The following RAG1 variants were observed in gnomAD, a reference collection of about 807,000 sequenced individuals.
The protein encoded by RAG1 is recombination activating 1, also known as V(D)J recombination-activating protein 1.
A neutral mutation model predicts 62.7 loss-of-function variants in RAG1; 35 were observed. The observed-to-expected ratio is 0.56, with a 90% CI of 0.43 to 0.74. The LOEUF (loss-of-function observed/expected upper bound fraction) is 0.74, where lower values mean the gene tolerates loss of function less well. Among genes scored for constraint, RAG1 ranks in the 30% least tolerant of loss-of-function variants. The pLI is 0.00. For missense variants in RAG1, 1,169 were observed against 1,278.6 expected (o/e 0.91, Z 1.31); for synonymous variants, 461 against 470.3 (o/e 0.98, Z 0.26).
downstream of RAG1, among the ~76,000 whole-genome samples, chr11:36,540,897 G>T (rs1311898396): frequency 1.3e-5 from 2 of 152,044 alleles, no homozygotes; most frequent in African/African-American, 2.4e-5. Context: ...TCCTCAAATT[G>T]GACTCAGGGG....
intron 2 of RAG1, among the ~76,000 whole-genome samples, chr11:36,532,318 T>C (rs1339551160): frequency 6.6e-6 from 1 of 152,134 alleles, no homozygotes; most frequent in Non-Finnish European, 1.5e-5. Flanking sequence ...TTATGTGTTT[T>C]GTGGGAAGTA....
At chr11:36,514,242 A>G (rs1859965228) in intron 1 of RAG1, among the ~76,000 whole-genome samples, 1 of 152,220 alleles carries the variant, frequency 6.6e-6, no homozygotes, top group Admixed American at 6.5e-5. Context: ...ATCTCACAAG[A>G]GACCCTAAGC....
At chr11:36,519,602 A>G (rs1344564389) in intron 1 of RAG1, among the ~76,000 whole-genome samples, 1 of 152,222 alleles carries the variant, frequency 6.6e-6, no homozygotes, top group Non-Finnish European at 1.5e-5. Context: ...CTTTGTCAGC[A>G]TTTTAAATTA....
At chr11:36,515,958 AC>A (rs1320713136) in intron 1 of RAG1, among the ~76,000 whole-genome samples, 1 of 152,062 alleles carries the variant, frequency 6.6e-6, no homozygotes. Context: ...CCAATAAAAA[AC>A]CTAGGCTTTT....
At chr11:36,539,580 G>A (rs183657530), downstream of RAG1, among the ~76,000 whole-genome samples, 10 of 152,248 alleles carry the variant, frequency 6.6e-5, no homozygotes, top group East Asian at 1.9e-3. Flanking sequence ...TGTCTCCCAG[G>A]TTCAAGCGAT....
chr11:36,536,207 T>C (rs1297572569), downstream of RAG1, among the ~76,000 whole-genome samples: 2 of 152,320 alleles, frequency 1.3e-5, no homozygotes, highest in Non-Finnish European at 1.5e-5. Flanking sequence ...TGAAGTACTA[T>C]TAGTTAAAAC....
chr11:36,547,220 TA>T (rs1850407244), intron 3 of RAG1, among the ~76,000 whole-genome samples: 1 of 151,976 alleles, frequency 6.6e-6, no homozygotes, highest in African/African-American at 2.4e-5. Context: ...TAAAAAGAAC[TA>T]GAGAAGCAAG....
Position 36,574,651 on chromosome 11 carries a change from G to A in RAG1, c.1347G>A (p.Arg449=). The A allele has an allele frequency of 1.2e-6, 2 of 1,614,212 alleles. No homozygotes were observed. The highest frequency in any genetic ancestry group is 1.7e-6 in the Non-Finnish European group (2 of 1,180,034). The part of the protein sequence containing the change: ...LLALRARNEH[R]QADELEAIMQ... ...CTCTGAGGGCGAGGAATGAGCACAG[G>A]CAAGCTGATGAGCTGGAGGCCATCA... Residue 449 remains arginine (R), a synonymous_variant, in exon 2 of 2, where the codon AGG becomes AGA. Transcript: ENST00000299440.
At chr11:36,560,857 C>G (rs928497676) in intron 3 of RAG1, among the ~76,000 whole-genome samples, 1 of 152,170 alleles carries the variant, frequency 6.6e-6, no homozygotes, top group African/African-American at 2.4e-5. Flanking sequence ...TCTATACTGC[C>G]ATCTTGAATC....
In RAG1 at chr11:36,568,062, G is replaced by A. The variant is rs971120329; in HGVS notation, c.-75G>A. On this transcript the variant is annotated 5_prime_UTR_variant, in exon 1 of 2. Transcript: ENST00000299440. ...CACACTTTGCCTTCTCTTTGGTATT[G>A]AGTAATATCAACCAAATTGCAGACA... 7 of 152,334 alleles carry A rather than the reference G, an allele frequency of 4.6e-5. No homozygotes were observed. Among genetic ancestry groups the A allele is most frequent in the African/African-American group, 1.7e-4 (7 of 41,570 alleles). 9.4% of individuals were successfully genotyped at this position (152,334 alleles called of 1,614,324 possible).
chr11:36,576,099 A>C lies in RAG1; in HGVS notation c.2795A>C (p.Glu932Ala). ...TCTACGAAGTTCAAGTATAGGTATG[A>C]GGGAAAAATCACCAATTATTTTCAC... ...LLSTKFKYRY[E>A]GKITNYFHKT... The change falls in exon 2 of 2, where the codon GAG becomes GCG. Residue 932 changes from glutamate (E) to alanine (A), a missense_variant. Physicochemically the swap from Glu to Ala is moderately radical, Grantham distance 107. Transcript: ENST00000299440. 2 of 1,614,034 alleles carry C rather than the reference A, an allele frequency of 1.2e-6. No homozygotes were observed. Among genetic ancestry groups the C allele is most frequent in the Non-Finnish European group, 1.7e-6 (2 of 1,180,042 alleles).
chr11:36,574,808 C>A lies in RAG1; in HGVS notation c.1504C>A (p.Pro502Thr), dbSNP rs1564989190. The change falls in exon 2 of 2, where the codon CCT becomes ACT. Residue 502 changes from proline to threonine, a missense_variant. This residue lies in a region of RAG1 where 800 missense variants were observed against 943.3 expected (regional missense o/e 0.85). Coordinates refer to ENST00000299440, the MANE Select transcript of RAG1 (RefSeq NM_000448.3). ...KAITGRQIFQPLHALRNAEKV... is the reference protein window; with the variant it reads ...KAITGRQIFQTLHALRNAEKV... ...CATCACAGGGAGACAGATTTTTCAGCCTTTGCATGCCCTTCGGAATGCTGA... is the reference window on the plus strand; with the variant it reads ...CATCACAGGGAGACAGATTTTTCAGACTTTGCATGCCCTTCGGAATGCTGA... 1.9e-6 allele frequency: 3 copies of A among 1,614,226 alleles called. No individual in the cohort carries two copies. The highest frequency in any genetic ancestry group is 1.6e-4 in the Middle Eastern group (1 of 6,062).
At chr11:36,569,292 T>C (rs972801470) in intron 1 of RAG1, among the ~76,000 whole-genome samples, 1 of 152,186 alleles carries the variant, frequency 6.6e-6, no homozygotes, top group Non-Finnish European at 1.5e-5. Context: ...CAGATGGCAA[T>C]GTCGAGATGG....
chr11:36,579,494 A>G lies in RAG1; in HGVS notation c.*3058A>G, dbSNP rs746468007. ...TTTTTGTTTTGTAGAATTGCACTTC[A>G]GTTTATTTTCTTACAAATAACCTTA... On this transcript the variant is annotated 3_prime_UTR_variant, in exon 2 of 2. Coordinates refer to ENST00000299440, the MANE Select transcript of RAG1 (RefSeq NM_000448.3). The G allele has an allele frequency of 7.9e-5, 13 of 165,464 alleles. No individual in the cohort carries two copies. Among genetic ancestry groups the G allele is most frequent in the East Asian group, 1.9e-4 (1 of 5,182 alleles). The allele number at this position is 165,464 out of a possible 1,614,324, so 10.2% of individuals were successfully genotyped here.
At chr11:36,527,983 G>A (rs886488852) in intron 2 of RAG1, among the ~76,000 whole-genome samples, 14 of 152,016 alleles carry the variant, frequency 9.2e-5, no homozygotes, top group African/African-American at 3.4e-4. Flanking sequence ...CTGAGACAAT[G>A]GGGTTTTCTA....
rs1850859623 is a variant in RAG1 at position 36,576,791 on chromosome 11, A to G, written c.*355A>G. 7.3e-6 allele frequency: 2 copies of G among 273,940 alleles called. No individual in the cohort carries two copies. The highest frequency in any genetic ancestry group is 1.5e-5 in the Non-Finnish European group (2 of 134,900). The allele number at this position is 273,940 out of a possible 1,614,324, so 17.0% of individuals were successfully genotyped here. On this transcript the variant is annotated 3_prime_UTR_variant, in exon 2 of 2. Coordinates refer to ENST00000299440, the MANE Select transcript of RAG1 (RefSeq NM_000448.3). ...TCAAAGAACAGCCAGTGAGGCCAGG[A>G]AAGAAATTGGTCTTGTGGTTTTCAT...
chr11:36,519,420 T>A (rs1860044481), intron 1 of RAG1, among the ~76,000 whole-genome samples: 1 of 152,222 alleles, frequency 6.6e-6, no homozygotes. Context: ...TTCAAACACA[T>A]CAAGCATTTT....
chr11:36,576,021 C>G lies in RAG1; in HGVS notation c.2717C>G (p.Pro906Arg), dbSNP rs751516868. 1 of 1,614,164 alleles carries G rather than the reference C, an allele frequency of 6.2e-7. No individual in the cohort carries two copies. Among genetic ancestry groups the G allele is most frequent in the Non-Finnish European group, 8.5e-7 (1 of 1,180,038 alleles). ...WRSSCPAKEC[P>R]ESLCQYSFNS... ...TCATCATGCCCTGCTAAAGAGTGCC[C>G]AGAATCCCTCTGCCAGTACAGTTTC... Residue 906 changes from proline (P) to arginine (R), a missense_variant, in exon 2 of 2, where the codon CCA becomes CGA. Physicochemically the swap from Pro to Arg is moderately radical, Grantham distance 103. This residue lies in a region of RAG1 where 800 missense variants were observed against 943.3 expected (regional missense o/e 0.85). Coordinates refer to ENST00000299440, the MANE Select transcript of RAG1 (RefSeq NM_000448.3).
downstream of RAG1, among the ~76,000 whole-genome samples, chr11:36,539,268 A>C (rs1860378399): frequency 6.6e-6 from 1 of 152,206 alleles, no homozygotes; most frequent in Non-Finnish European, 1.5e-5. Flanking sequence ...AGTCATCTGC[A>C]ACCCAAAGGG....
Sources: allele counts gnomAD v4.1 joint callset (sites outside exome capture counted in the v4.1 genomes callset), GRCh38; gene constraint gnomAD v4.1.1; regional missense constraint gnomAD v4.1.1; transcripts MANE v1.5; gene names NCBI Gene and HGNC (gene_info 2026-07-23, HGNC 2026-07-21).